CACNB1: variants seen among roughly 807,000 people sequenced by gnomAD.
CACNB1 encodes the protein calcium voltage-gated channel auxiliary subunit beta 1.
CACNB1 carries 29 observed loss-of-function variants against 71.6 expected under a neutral mutation model. That is an observed-to-expected ratio of 0.40 (90% CI 0.30 to 0.55). CACNB1 has a LOEUF of 0.55. Ranked by LOEUF, CACNB1 falls within the 20% of genes least tolerant of loss-of-function variation. CACNB1 has a pLI of 0.38. For synonymous variants in CACNB1, 300 were observed against 319.6 expected (o/e 0.94, Z 0.65); for missense variants, 623 against 801.8 (o/e 0.78, Z 2.69).
At chr17:39,176,292 C>G (rs1376657769) in intron 13 of CACNB1, among the ~76,000 whole-genome samples, 1 of 152,146 alleles carries the variant, frequency 6.6e-6, no homozygotes, top group Non-Finnish European at 1.5e-5. Context: ...GCCCAGTGTC[C>G]TTATCATCAA....
chr17:39,175,784 G>C lies in CACNB1; in HGVS notation c.1333-127C>G. 5 of 781,636 alleles carry C rather than the reference G, an allele frequency of 6.4e-6. No homozygotes were observed. The highest frequency in any genetic ancestry group is 9.9e-6 in the Non-Finnish European group (5 of 504,474). 48.4% of individuals were successfully genotyped at this position (781,636 alleles called of 1,614,324 possible). ...GGATGAAGAGGGTGCTGGCTCTAGA[G>C]GAGGGGCCCCGGGGACAAACGGCTC... On this transcript the variant is annotated intron_variant, in intron 13 of 13. Transcript: ENST00000394303. The surrounding 1 kb of genome is among the most constrained non-coding windows in gnomAD (Gnocchi z 4.7).
intron 2 of CACNB1, chr17:39,193,215 GAC>G (rs1242641494): frequency 7.7e-5 from 22 of 285,160 alleles, no homozygotes; most frequent in Admixed American, 2.6e-4. Flanking sequence ...TGTGCGGGCA[GAC>G]ACACACACAT....
chr17:39,180,357 T>C (rs1348197532), intron 11 of CACNB1, among the ~76,000 whole-genome samples: 1 of 151,662 alleles, frequency 6.6e-6, no homozygotes, highest in Non-Finnish European at 1.5e-5. Flanking sequence ...ATGTTGTTCT[T>C]AAGAAACACA....
At chr17:39,178,150 G>A in intron 11 of CACNB1, 71 bp from the exon 12 acceptor site, 2 of 1,144,702 alleles carry the variant, frequency 1.7e-6, no homozygotes, top group Non-Finnish European at 2.7e-6. Context: ...AGAGAGGCGG[G>A]TCCTGGTTGG....
Position 39,197,509 on chromosome 17 carries a change from C to G in CACNB1, c.-14G>C. The G allele has an allele frequency of 6.7e-7, 1 of 1,486,674 alleles. No homozygotes were observed. Among genetic ancestry groups the G allele is most frequent in the Non-Finnish European group, 8.9e-7 (1 of 1,120,364 alleles). The allele number at this position is 1,486,674 out of a possible 1,614,324, so 92.1% of individuals were successfully genotyped here. ...CTTCTGGACCATGGAGAGGAGCCTC[C>G]CCTCCCGCCGCCGGCCCGGCCCAGC... On this transcript the variant is annotated 5_prime_UTR_variant, in exon 1 of 14. Transcript: ENST00000394303.
chr17:39,177,106 G>A (rs9909418), intron 13 of CACNB1: 3 of 1,425,260 alleles, frequency 2.1e-6, no homozygotes, highest in Non-Finnish European at 2.7e-6. Context: ...AGAAGCCCCA[G>A]ACCCATCAAA....
chr17:39,181,879 G>T (rs918403082), intron 11 of CACNB1, among the ~76,000 whole-genome samples: 45 of 152,120 alleles, frequency 3.0e-4, no homozygotes, highest in African/African-American at 1.1e-3. Context: ...TTAGCCAGGT[G>T]TGGCCGGGCA....
chr17:39,187,514 T>C lies in CACNB1; in HGVS notation c.379A>G (p.Thr127Ala). The stretch of plus-strand genomic sequence containing the variant: ...TGCAGGAAGTCTTTGGGCTCGAAGG[T>C]GATGGCCACTCCCTGCACAGGCACC... ...DEVPVQGVAI[T>A]FEPKDFLHIK... The change falls in exon 4 of 14, where the codon ACC becomes GCC. Residue 127 changes from threonine to alanine, a missense_variant. Physicochemically the swap from Thr to Ala is moderately conservative, Grantham distance 58 (BLOSUM62 0). Transcript: ENST00000394303. The C allele has an allele frequency of 6.2e-7, 1 of 1,614,036 alleles. No homozygotes were observed. Among genetic ancestry groups the C allele is most frequent in the Non-Finnish European group, 8.5e-7 (1 of 1,179,988 alleles).
chr17:39,185,917 C>G (rs575581981), intron 6 of CACNB1: 1 of 1,599,410 alleles, frequency 6.3e-7, no homozygotes, highest in South Asian at 1.1e-5. Flanking sequence ...GCCCTGACTC[C>G]CCCACCTCTT....
chr17:39,196,085 C>T (rs1350917148), intron 1 of CACNB1, among the ~76,000 whole-genome samples: 1 of 152,184 alleles, frequency 6.6e-6, no homozygotes, highest in Non-Finnish European at 1.5e-5. Context: ...TCCAAGTCCC[C>T]GCCCTTGGTC....
intron 13 of CACNB1, among the ~76,000 whole-genome samples, chr17:39,176,065 C>T (rs1047206918): frequency 6.6e-6 from 1 of 152,186 alleles, no homozygotes; most frequent in Admixed American, 6.5e-5. Flanking sequence ...AATATATTAA[C>T]GGGATTTCAG....
chr17:39,185,965 G>A, intron 6 of CACNB1: 1 of 1,612,822 alleles, frequency 6.2e-7, no homozygotes, highest in Non-Finnish European at 8.5e-7. Flanking sequence ...TAAAGAAGGG[G>A]ATGCGTTTGC....
rs550288763 is a variant in CACNB1 at position 39,180,093 on chromosome 17, C to A, written c.1051-2014G>T. ...CAGCCAGGCCAACATGGCAAAACCC[C>A]GTCTCTACTGAAAATACAAAAATTA... is the stretch of plus-strand genomic sequence containing the variant. On this transcript the variant is annotated intron_variant, in intron 11 of 13. Transcript: ENST00000394303. 3.4e-5 allele frequency among the ~76,000 whole-genome samples: 5 copies of A among 149,252 alleles called. No individual in the cohort carries two copies. The South Asian group carries it at 8.6e-4, about 26-fold the overall frequency.
rs763966129 is a variant in CACNB1, at chr17:39,191,459, C to A, written c.291+15G>T. Reference sequence around the variant, plus strand: ...GAAATCATGCCAGCACAGCCCCTCCCCACATCTTTCTCACCTTGGCCTTCT... The same window carrying A: ...GAAATCATGCCAGCACAGCCCCTCCACACATCTTTCTCACCTTGGCCTTCT... On this transcript the variant is annotated intron_variant, in intron 3 of 13. Coordinates refer to ENST00000394303, the MANE Select transcript of CACNB1 (RefSeq NM_000723.5). 11 of 1,594,472 alleles carry A rather than the reference C, an allele frequency of 6.9e-6. No homozygotes were observed. Among genetic ancestry groups the A allele is most frequent in the African/African-American group, 2.7e-5 (2 of 73,520 alleles).
rs1306372812 is a variant in CACNB1, at chr17:39,184,454, G to A, written c.730-71C>T. On this transcript the variant is annotated intron_variant, in intron 8 of 13. Transcript: ENST00000394303. ...TTTAAAGCCGCTCAGACTCTGAGTC[G>A]CTGGGTATTTGTACCCTCACGTTCC... The A allele has an allele frequency of 1.9e-5, 17 of 881,318 alleles. No homozygotes were observed. The Admixed American group carries it at 2.2e-4, about 11-fold the overall frequency. 54.6% of individuals were successfully genotyped at this position (881,318 alleles called of 1,614,324 possible). A position where few individuals can be genotyped will look rare whatever the true frequency, so the allele number is the denominator to read the frequency against.
rs17633541 is a variant in CACNB1 at position 39,173,757 on chromosome 17, C to T, written c.*1436G>A. 0.047 allele frequency: 7,170 copies of T among 152,616 alleles called. 190 individuals carry two copies. Among genetic ancestry groups the T allele is most frequent in the Middle Eastern group, 0.082 (24 of 294 alleles). The allele number at this position is 152,616 out of a possible 1,614,324, so 9.5% of individuals were successfully genotyped here. ...AGCAGCTCCCAGGTGCCTACGCTGA[C>T]GACTATGTGGCGAGGACAAAGAAGC... On this transcript the variant is annotated 3_prime_UTR_variant, in exon 14 of 14. Transcript: ENST00000394303.
chr17:39,178,365 G>A (rs1306717011), intron 11 of CACNB1: 5 of 258,180 alleles, frequency 1.9e-5, no homozygotes, highest in African/African-American at 6.9e-5. Flanking sequence ...TTGTAGGCCC[G>A]CCCACTCTCC....
intron 4 of CACNB1, chr17:39,187,241 C>T (rs569015621): frequency 2.7e-4 from 167 of 609,696 alleles, no homozygotes; most frequent in Non-Finnish European, 4.4e-4. Context: ...ATGTCCCTGG[C>T]ACACCGCCAT....
chr17:39,178,241 G>A (rs911486452), intron 11 of CACNB1, 162 bp from the exon 12 acceptor site: 3 of 617,268 alleles, frequency 4.9e-6, no homozygotes, highest in Non-Finnish European at 5.9e-6. Flanking sequence ...AAGGACCTCA[G>A]CAGCCCTGTG....
Sources: gnomAD v4.1 joint callset for allele counts (sites outside exome capture counted in the v4.1 genomes callset) on GRCh38, gnomAD v4.1.1 for gene constraint, Gnocchi (gnomAD v3.1) non-coding constraint, MANE v1.5 for transcripts, NCBI Gene and HGNC (gene_info 2026-07-23, HGNC 2026-07-21) for gene names.